Variants in ZBTB20 observed in about 807,000 individuals in gnomAD.
ZBTB20 encodes the protein zinc finger and BTB domain containing 20, also known as zinc finger and BTB domain-containing protein 20.
A neutral mutation model predicts 56.9 loss-of-function variants in ZBTB20; 9 were observed. The observed-to-expected ratio is 0.16, with a 90% CI of 0.10 to 0.28. ZBTB20 has a LOEUF of 0.28. Ranked by LOEUF, ZBTB20 falls within the 10% of genes least tolerant of loss-of-function variation. The pLI is 1.00. For synonymous variants in ZBTB20, 417 were observed against 420.7 expected (o/e 0.99, Z 0.11); for missense variants, 655 against 1,003.0 (o/e 0.65, Z 4.69).
rs531294158 is a variant in ZBTB20, at chr3:114,641,568, A to G, written c.-295+51960T>C. 2.0e-5 allele frequency among the ~76,000 whole-genome samples: 3 copies of G among 151,904 alleles called. No individual in the cohort carries two copies. The South Asian group carries it at 6.2e-4, about 32-fold the overall frequency. On this transcript the variant is annotated intron_variant, in intron 6 of 11. Transcript: ENST00000675478. ...GGCGAAAAGTGGCTGGAGTAGAAAGACTAGTTTGTAAGGCAGAAAGATTTT... is the reference window on the plus strand; with the variant it reads ...GGCGAAAAGTGGCTGGAGTAGAAAGGCTAGTTTGTAAGGCAGAAAGATTTT...
intron 6 of ZBTB20, chr3:114,684,508 C>T (rs2062198571): frequency 6.6e-6 from 1 of 152,150 alleles, no homozygotes; most frequent in African/African-American, 2.4e-5. Flanking sequence ...GTTAGATATA[C>T]AGAAAGTTAT....
intron 1 of ZBTB20, among the ~76,000 whole-genome samples, chr3:115,142,426 G>A (rs1249796133): frequency 6.6e-6 from 1 of 152,086 alleles, no homozygotes; most frequent in Non-Finnish European, 1.5e-5. Flanking sequence ...TCTTTGGGAG[G>A]CCAAGGCAGG....
At chr3:115,108,482 C>T (rs1317376949) in intron 1 of ZBTB20, among the ~76,000 whole-genome samples, 1 of 152,126 alleles carries the variant, frequency 6.6e-6, no homozygotes, top group Non-Finnish European at 1.5e-5. Flanking sequence ...GGGAATTTCC[C>T]AATGTAAACG....
intron 4 of ZBTB20, among the ~76,000 whole-genome samples, chr3:114,854,015 T>C (rs886394080): frequency 6.6e-6 from 1 of 152,198 alleles, no homozygotes; most frequent in Non-Finnish European, 1.5e-5. Context: ...GTTCCTATTT[T>C]CTGAAACAAA....
intron 6 of ZBTB20, among the ~76,000 whole-genome samples, chr3:114,510,616 A>G (rs946364133): frequency 6.6e-6 from 1 of 152,062 alleles, no homozygotes; most frequent in African/African-American, 2.4e-5. Context: ...GAGCAGGGAT[A>G]TATCTGCCCT....
At chr3:114,909,185 T>A (rs2075432107) in intron 3 of ZBTB20, among the ~76,000 whole-genome samples, 1 of 151,848 alleles carries the variant, frequency 6.6e-6, no homozygotes, top group Non-Finnish European at 1.5e-5. Flanking sequence ...GATGTAGAGG[T>A]GGAGGACAGT....
chr3:114,969,961 TATG>T (rs1026633712), intron 3 of ZBTB20, among the ~76,000 whole-genome samples: 2 of 152,202 alleles, frequency 1.3e-5, no homozygotes, highest in African/African-American at 4.8e-5. Context: ...TAAATCACAA[TATG>T]ATAAGAAAAC....
At position 114,334,850 on chromosome 3, in the gene ZBTB20, T is replaced by A. The variant is rs921509305; in HGVS notation, c.*4155A>T. ...TAAAGTTTACCTCTCAATTAAAAGA[T>A]ACAGGAAACCATTTTGATACAGAGA... is the stretch of plus-strand genomic sequence containing the variant. On this transcript the variant is annotated 3_prime_UTR_variant, in exon 12 of 12. Transcript: ENST00000675478. 3 of 152,220 alleles carry A rather than the reference T, an allele frequency of 2.0e-5. No individual in the cohort carries two copies. The highest frequency in any genetic ancestry group is 4.4e-5 in the Non-Finnish European group (3 of 68,032). 9.4% of individuals were successfully genotyped at this position (152,220 alleles called of 1,614,324 possible).
intron 5 of ZBTB20, among the ~76,000 whole-genome samples, chr3:114,789,848 T>C (rs1000006675): frequency 7.2e-5 from 11 of 152,304 alleles, no homozygotes; most frequent in Admixed American, 3.9e-4. Flanking sequence ...AAGCAGATTA[T>C]AGAGTTCTGG....
At chr3:114,608,171 A>T (rs2057308422) in intron 6 of ZBTB20, among the ~76,000 whole-genome samples, 1 of 152,204 alleles carries the variant, frequency 6.6e-6, no homozygotes, top group Non-Finnish European at 1.5e-5. Context: ...ACCAGTCTAA[A>T]AGAAGACTAT....
At chr3:114,594,982 T>G (rs73857630) in intron 6 of ZBTB20, among the ~76,000 whole-genome samples, 4,165 of 152,366 alleles carry the variant, frequency 0.027, 198 homozygotes, top group African/African-American at 0.096. Context: ...AATCTCTTGA[T>G]GCAGGCCATG....
intron 3 of ZBTB20, among the ~76,000 whole-genome samples, chr3:114,945,928 C>T (rs1420926899): frequency 2.1e-5 from 3 of 145,076 alleles, no homozygotes; most frequent in Non-Finnish European, 4.5e-5. Context: ...AGAAATAGTA[C>T]AAGAAGAGCA....
intron 6 of ZBTB20, among the ~76,000 whole-genome samples, chr3:114,658,080 T>G (rs1049801935): frequency 6.6e-5 from 10 of 152,220 alleles, no homozygotes; most frequent in Non-Finnish European, 1.5e-4. Context: ...TCACTCATAG[T>G]GCCCTAGGAA....
intron 7 of ZBTB20, among the ~76,000 whole-genome samples, chr3:114,499,936 A>G (rs2043754776): frequency 1.3e-5 from 2 of 152,214 alleles, no homozygotes; most frequent in Admixed American, 6.5e-5. Context: ...GAAAGCTCTG[A>G]TCTAGAAGTT....
Position 114,864,675 on chromosome 3 carries a change from G to A in ZBTB20, c.-417+35629C>T, listed in dbSNP as rs185455269. Among the ~76,000 whole-genome samples, 430 of 152,128 alleles carry A rather than the reference G, an allele frequency of 2.8e-3. 6 individuals carry two copies. The highest frequency in any genetic ancestry group is 0.025 in the Admixed American group (385 of 15,268). ...GCTTTGAGAAGACTCCAAATTTTAG[G>A]AGGTAGATGGGCGATAGGTAATGCA... On this transcript the variant is annotated intron_variant, in intron 4 of 11. Transcript: ENST00000675478.
chr3:114,444,291 G>A (rs978068203), intron 7 of ZBTB20, among the ~76,000 whole-genome samples: 1 of 152,120 alleles, frequency 6.6e-6, no homozygotes, highest in African/African-American at 2.4e-5. Flanking sequence ...GAGAAAAAAT[G>A]TGAGATACAA....
At chr3:114,598,937 G>T (rs1316173238) in intron 6 of ZBTB20, among the ~76,000 whole-genome samples, 1 of 151,946 alleles carries the variant, frequency 6.6e-6, no homozygotes, top group Non-Finnish European at 1.5e-5. Context: ...TTTGTACAGT[G>T]TAAGTAAGAA....
intron 6 of ZBTB20, among the ~76,000 whole-genome samples, chr3:114,685,327 G>C (rs1363095908): frequency 6.6e-6 from 1 of 152,144 alleles, no homozygotes; most frequent in African/African-American, 2.4e-5. Flanking sequence ...CTTGATAGCT[G>C]TATCAAGCCT....
chr3:115,013,014 A>C (rs1240430991), intron 2 of ZBTB20, among the ~76,000 whole-genome samples: 1 of 151,838 alleles, frequency 6.6e-6, no homozygotes, highest in Non-Finnish European at 1.5e-5. Context: ...ATTTATTGGA[A>C]CAAATGATAG....
Sources: allele counts gnomAD v4.1 joint callset (sites outside exome capture counted in the v4.1 genomes callset), GRCh38; gene constraint gnomAD v4.1.1; transcripts MANE v1.5; gene names NCBI Gene and HGNC (gene_info 2026-07-23, HGNC 2026-07-21).